The following PCLO variants were observed in gnomAD, a reference collection of about 807,000 sequenced individuals.
The protein encoded by PCLO is piccolo presynaptic cytomatrix protein, also known as protein piccolo.
A neutral mutation model predicts 427.5 loss-of-function variants in PCLO; 82 were observed. The ratio of observed to expected loss-of-function variants is 0.19; its 90% CI spans 0.16 to 0.23. PCLO has a LOEUF of 0.23. PCLO is among the 10% of genes least tolerant of loss of function. The pLI, the probability that PCLO is intolerant of heterozygous loss-of-function variation, is 1.00. For missense variants in PCLO, 6,239 were observed against 6,115.9 expected, an observed-to-expected ratio of 1.02 and a Z score of -0.67; for synonymous variants, 2,357 against 2,155.4, an observed-to-expected ratio of 1.09 and a Z score of -2.59.
intron 3 of PCLO, among the ~76,000 whole-genome samples, chr7:82,969,688 T>A (rs1164995846): frequency 6.6e-6 from 1 of 152,064 alleles, no homozygotes; most frequent in African/African-American, 2.4e-5. Flanking sequence ...TATGTATCTA[T>A]TTGGTTTATA....
chr7:83,115,696 T>C (rs918334097), intron 3 of PCLO, among the ~76,000 whole-genome samples: 1 of 152,164 alleles, frequency 6.6e-6, no homozygotes, highest in South Asian at 2.1e-4. Context: ...CACATAGAGA[T>C]TGGAGGTTAT....
chr7:82,777,881 G>A (rs1246282431), intron 22 of PCLO, among the ~76,000 whole-genome samples: 5 of 151,952 alleles, frequency 3.3e-5, no homozygotes, highest in Admixed American at 2.0e-4. Flanking sequence ...TAATGAAGAC[G>A]CCAAAAGCAA....
At chr7:83,081,134 T>C (rs935550406) in intron 3 of PCLO, among the ~76,000 whole-genome samples, 1 of 151,960 alleles carries the variant, frequency 6.6e-6, no homozygotes, top group Non-Finnish European at 1.5e-5. Context: ...TCTGACAAAG[T>C]AGAAAAATAA....
intron 2 of PCLO, among the ~76,000 whole-genome samples, chr7:83,153,112 G>A (rs1792178384): frequency 6.6e-6 from 1 of 151,478 alleles, no homozygotes. Flanking sequence ...CCTATAAGGA[G>A]AGTATAATAT....
chr7:82,775,521 C>T (rs1790731248), intron 22 of PCLO, among the ~76,000 whole-genome samples: 1 of 152,124 alleles, frequency 6.6e-6, no homozygotes, highest in Non-Finnish European at 1.5e-5. Flanking sequence ...GCTTATTTGC[C>T]ATCTATACAT....
chr7:82,791,286 A>C (rs535311619), intron 22 of PCLO, among the ~76,000 whole-genome samples: 9 of 152,326 alleles, frequency 5.9e-5, no homozygotes, highest in South Asian at 4.1e-4. Context: ...TGACAATATC[A>C]TAATAATATG....
At chr7:83,024,221 A>G (rs543826503) in intron 3 of PCLO, among the ~76,000 whole-genome samples, 1 of 152,280 alleles carries the variant, frequency 6.6e-6, no homozygotes, top group African/African-American at 2.4e-5. Context: ...GGAGTGCCAG[A>G]CAGTGGGCTC....
At chr7:82,823,177 T>G (rs760531646) in intron 19 of PCLO, among the ~76,000 whole-genome samples, 1 of 152,194 alleles carries the variant, frequency 6.6e-6, no homozygotes, top group Non-Finnish European at 1.5e-5. Context: ...CTAATGATCA[T>G]GCAGTATGTT....
At chr7:82,843,916 C>G (rs1262185287) in intron 13 of PCLO, among the ~76,000 whole-genome samples, 2 of 151,886 alleles carry the variant, frequency 1.3e-5, no homozygotes, top group African/African-American at 4.8e-5. Context: ...TCTGCCTCTC[C>G]TGGCCTCCCA....
At chr7:83,029,094 A>C (rs193982) in intron 3 of PCLO, among the ~76,000 whole-genome samples, 133,109 of 151,714 alleles carry the variant, frequency 0.88, 58,549 homozygotes, top group East Asian at 1. Flanking sequence ...CAACAGAAGA[A>C]AAAATTGACA....
At chr7:82,827,111 A>G (rs1025748052) in intron 17 of PCLO, among the ~76,000 whole-genome samples, 4 of 152,052 alleles carry the variant, frequency 2.6e-5, no homozygotes, top group Non-Finnish European at 1.5e-5. Context: ...ACAAACCCAG[A>G]TTATAATTTA....
intron 3 of PCLO, among the ~76,000 whole-genome samples, chr7:83,124,145 C>CA (rs1037082417): frequency 2.2e-4 from 32 of 148,078 alleles, no homozygotes; most frequent in Non-Finnish European, 3.9e-4. Flanking sequence ...CCTGTCTCTA[C>CA]AAAAAATACA....
chr7:83,110,237 G>T (rs1333983246), intron 3 of PCLO, among the ~76,000 whole-genome samples: 1 of 151,700 alleles, frequency 6.6e-6, no homozygotes, highest in African/African-American at 2.4e-5. Context: ...TTCATCTACA[G>T]AATAATTTGT....
In PCLO at chr7:82,845,405, G is replaced by C; in HGVS notation, c.13912C>G (p.Leu4638Val). Reference protein sequence around the residue: ...LQKVSLQQSPLVLSSVVEKGS... With the variant: ...LQKVSLQQSPVVLSSVVEKGS... ...TTTTCAACAACTGATGACAGAACCAGCGGTGACTGCTGTAGTGAAACCTTC... is the reference window on the plus strand; with the variant it reads ...TTTTCAACAACTGATGACAGAACCACCGGTGACTGCTGTAGTGAAACCTTC... The change falls in exon 13 of 25, where the codon CTG becomes GTG. Residue 4638 changes from leucine (L) to valine (V), a missense_variant. Leu to Val is a conservative substitution (Grantham distance 32). This residue lies in a region of PCLO where 877 missense variants were observed against 925.5 expected (regional missense o/e 0.95). Transcript: ENST00000333891. 6.2e-7 allele frequency: 1 copy of C among 1,613,196 alleles called. No individual in the cohort carries two copies. The highest frequency in any genetic ancestry group is 8.5e-7 in the Non-Finnish European group (1 of 1,179,474).
chr7:82,862,185 G>C (rs1433111785), intron 10 of PCLO, among the ~76,000 whole-genome samples: 4 of 151,886 alleles, frequency 2.6e-5, no homozygotes, highest in Non-Finnish European at 4.4e-5. Context: ...TTTTGAAACA[G>C]ATATATGAAA....
intron 7 of PCLO, among the ~76,000 whole-genome samples, chr7:82,912,440 C>T (rs1254420921): frequency 6.6e-6 from 1 of 151,834 alleles, no homozygotes; most frequent in Admixed American, 6.6e-5. Context: ...GAAGTAATCA[C>T]TACAATTCAC....
chr7:83,145,988 C>A (rs1021319331), intron 2 of PCLO, among the ~76,000 whole-genome samples: 3 of 152,110 alleles, frequency 2.0e-5, no homozygotes, highest in Admixed American at 2.0e-4. Context: ...ATAATATGAA[C>A]TCTGATTTTC....
chr7:83,008,168 T>C (rs1215155129), intron 3 of PCLO, among the ~76,000 whole-genome samples: 1 of 151,674 alleles, frequency 6.6e-6, no homozygotes, highest in Non-Finnish European at 1.5e-5. Context: ...AGGATTCCAC[T>C]CTCTTCCCTG....
At chr7:83,004,328 G>A (rs1211008215) in intron 3 of PCLO, among the ~76,000 whole-genome samples, 1 of 151,740 alleles carries the variant, frequency 6.6e-6, no homozygotes, top group African/African-American at 2.4e-5. Flanking sequence ...CAATGAAATA[G>A]AACAGAGCAG....
Sources: allele counts gnomAD v4.1 joint callset (sites outside exome capture counted in the v4.1 genomes callset), GRCh38; gene constraint gnomAD v4.1.1; regional missense constraint gnomAD v4.1.1; transcripts MANE v1.5; gene names NCBI Gene and HGNC (gene_info 2026-07-23, HGNC 2026-07-21).